The following COL5A2 variants were observed in gnomAD, a reference collection of about 807,000 sequenced individuals.
The protein encoded by COL5A2 is collagen alpha-2(V) chain.
In COL5A2, 23 loss-of-function variants were observed where a neutral mutation model predicts 208.2. The observed-to-expected ratio is 0.11, with a 90% confidence interval of 0.08 to 0.16. The LOEUF is 0.16. Among genes scored for constraint, COL5A2 ranks in the 10% least tolerant of loss-of-function variants. COL5A2 has a pLI of 1.00. For missense variants in COL5A2, 1,590 were observed against 1,956.4 expected (o/e 0.81, Z 3.53); for synonymous variants, 625 against 628.5 (o/e 0.99, Z 0.08).
At chr2:189,263,159 G>A in the COL5A2 span, among the ~76,000 whole-genome samples, 39 of 152,094 alleles carry the variant, frequency 2.6e-4, no homozygotes, top group East Asian at 7.7e-4. Context: ...ACTTGATGTC[G>A]TTTCAATTGT....
the COL5A2 span, among the ~76,000 whole-genome samples, chr2:189,419,924 GA>G: frequency 2.1e-5 from 3 of 145,268 alleles, no homozygotes; most frequent in South Asian, 2.3e-4. Context: ...AGAAGAAGGA[GA>G]GGGGAGGAGA....
intron 7 of COL5A2, among the ~76,000 whole-genome samples, chr2:189,091,557 A>C (rs760439584): frequency 2.8e-4 from 42 of 152,330 alleles, no homozygotes; most frequent in Admixed American, 5.9e-4. Flanking sequence ...TTTTAACAAT[A>C]AGGTATTTTT....
At chr2:189,309,981 T>A in the COL5A2 span, among the ~76,000 whole-genome samples, 8 of 152,200 alleles carry the variant, frequency 5.3e-5, no homozygotes, top group Non-Finnish European at 1.2e-4. Flanking sequence ...TATTTCTCTA[T>A]GACTAAAAGA....
chr2:189,093,892 T>G (rs1212663773), intron 6 of COL5A2, among the ~76,000 whole-genome samples: 2 of 152,224 alleles, frequency 1.3e-5, no homozygotes, highest in African/African-American at 4.8e-5. Flanking sequence ...TACAGCCTTG[T>G]GTAGAAAACT....
chr2:189,139,471 C>T (rs1687893545), intron 1 of COL5A2, among the ~76,000 whole-genome samples: 1 of 151,934 alleles, frequency 6.6e-6, no homozygotes, highest in African/African-American at 2.4e-5. Context: ...TCGTCAAAAT[C>T]CTAAAAAACA....
At chr2:189,275,900 ACCC>A in the COL5A2 span, among the ~76,000 whole-genome samples, 1 of 151,984 alleles carries the variant, frequency 6.6e-6, no homozygotes, top group Non-Finnish European at 1.5e-5. Context: ...CTTTCTAAAT[ACCC>A]CCCAACTAAT....
chr2:189,373,049 C>T, the COL5A2 span, among the ~76,000 whole-genome samples: 1 of 152,118 alleles, frequency 6.6e-6, no homozygotes, highest in South Asian at 2.1e-4. Context: ...TTTTTAAAAA[C>T]TTTTTTTCCA....
intron 1 of COL5A2, among the ~76,000 whole-genome samples, chr2:189,214,935 C>T (rs1689259951): frequency 6.6e-6 from 1 of 152,074 alleles, no homozygotes; most frequent in Admixed American, 6.6e-5. Flanking sequence ...GATATATTTT[C>T]CTATGTAATT....
the COL5A2 span, among the ~76,000 whole-genome samples, chr2:189,405,887 T>C: frequency 6.6e-6 from 1 of 152,216 alleles, no homozygotes; most frequent in Non-Finnish European, 1.5e-5. Context: ...TTTGTGATCC[T>C]TTAGGAACTT....
chr2:189,387,702 T>G, the COL5A2 span, among the ~76,000 whole-genome samples: 2 of 152,318 alleles, frequency 1.3e-5, no homozygotes, highest in East Asian at 1.9e-4. Flanking sequence ...TGCTCGAAGA[T>G]ATTAATGCAG....
chr2:189,185,629 T>C (rs748209094), intron 1 of COL5A2, among the ~76,000 whole-genome samples: 9 of 152,208 alleles, frequency 5.9e-5, no homozygotes, highest in Non-Finnish European at 1.0e-4. Context: ...ATGGGTCTGC[T>C]TCTTCATAAA....
chr2:189,094,551 T>C (rs1326565007), intron 6 of COL5A2, among the ~76,000 whole-genome samples: 1 of 110,604 alleles, frequency 9.0e-6, no homozygotes, highest in Non-Finnish European at 2.0e-5. Context: ...TTAAAGAACT[T>C]CATTTCTCTC....
At chr2:189,173,890 C>T (rs1231032453) in intron 1 of COL5A2, among the ~76,000 whole-genome samples, 1 of 152,088 alleles carries the variant, frequency 6.6e-6, no homozygotes, top group Non-Finnish European at 1.5e-5. Context: ...TCAACACTTC[C>T]AGTCTTTTCC....
chr2:189,100,119 T>C lies in COL5A2; in HGVS notation c.357A>G (p.Gly119=). The C allele has an allele frequency of 6.2e-7, 1 of 1,610,622 alleles. No individual in the cohort carries two copies. Among genetic ancestry groups the C allele is most frequent in the Non-Finnish European group, 8.5e-7 (1 of 1,177,040 alleles). ...TACATATACTTACAACAGGCACTAA[T>C]CCTGGTTCTCCCTTTTGTCCCTGTG... ...RGRKGQKGEP[G]LVPVVTGIRG... Residue 119 remains glycine, a synonymous_variant, in exon 4 of 54, where the codon GGA becomes GGG. Transcript: ENST00000374866.
chr2:189,311,508 G>T, the COL5A2 span: 184,833 of 1,099,662 alleles, frequency 0.17, 16,756 homozygotes, highest in South Asian at 0.21. Context: ...GTCTGTGCCA[G>T]CTCTGACTCC....
At chr2:189,135,585 T>TTTCAATTG (rs1687812611) in intron 1 of COL5A2, among the ~76,000 whole-genome samples, 1 of 152,200 alleles carries the variant, frequency 6.6e-6, no homozygotes, top group Non-Finnish European at 1.5e-5. Flanking sequence ...GGCTAATGTC[T>TTTCAATTG]TTCAATTGTT....
At chr2:189,393,061 T>A in the COL5A2 span, among the ~76,000 whole-genome samples, 4 of 152,168 alleles carry the variant, frequency 2.6e-5, no homozygotes. Flanking sequence ...GAACAAGTAG[T>A]GAAAATAATT....
At chr2:189,122,036 T>C (rs1232785037) in intron 1 of COL5A2, among the ~76,000 whole-genome samples, 1 of 152,160 alleles carries the variant, frequency 6.6e-6, no homozygotes, top group Admixed American at 6.5e-5. Flanking sequence ...CTATATACCA[T>C]GGAAGAAAGA....
In COL5A2 at chr2:189,052,512, T is replaced by A. The variant is rs62184179; in HGVS notation, c.2715+237A>T. ...GCTTTCACATTGTTTATTTACTCTT[T>A]TATATAGGTAGTATGTTACTTACAT... On this transcript the variant is annotated intron_variant, in intron 40 of 53. Transcript: ENST00000374866. Among the ~76,000 whole-genome samples, 107,208 of 151,320 alleles carry A rather than the reference T, an allele frequency of 0.71. 38,997 individuals are homozygous for A. Among genetic ancestry groups the A allele is most frequent in the Non-Finnish European group, 0.81 (54,539 of 67,604 alleles).
Sources: allele counts gnomAD v4.1 joint callset (sites outside exome capture counted in the v4.1 genomes callset), GRCh38; gene constraint gnomAD v4.1.1; transcripts MANE v1.5; gene names NCBI Gene and HGNC (gene_info 2026-07-23, HGNC 2026-07-21).